The following CCDC171 variants were observed in gnomAD, a reference collection of about 807,000 sequenced individuals.
CCDC171 encodes the protein coiled-coil domain containing 171.
In CCDC171, 177 loss-of-function variants were observed where a neutral mutation model predicts 168.2. The observed-to-expected ratio is 1.05, with a 90% CI of 0.93 to 1.19. The LOEUF (loss-of-function observed/expected upper bound fraction) is 1.19, where lower values mean the gene tolerates loss of function less well. Ranked by LOEUF, CCDC171 falls within the 50% of genes most tolerant of loss-of-function variation. CCDC171 has a pLI of 0.00. For synonymous variants in CCDC171, 687 were observed against 540.8 expected (o/e 1.27, Z -3.75); for missense variants, 1,991 against 1,539.0 (o/e 1.29, Z -4.91).
chr9:15,888,201 G>A (rs966901137), intron 24 of CCDC171: 4 of 152,134 alleles, frequency 2.6e-5, no homozygotes, highest in Admixed American at 1.3e-4. Context: ...TTTTAAAGGA[G>A]TACTACTTAA....
chr9:15,923,859 T>C (rs1479405629), intron 25 of CCDC171, among the ~76,000 whole-genome samples: 4 of 151,392 alleles, frequency 2.6e-5, no homozygotes, highest in African/African-American at 7.3e-5. Context: ...GGCTCAACTT[T>C]TCTGTAATTT....
At chr9:15,630,442 A>G (rs552481068) in intron 7 of CCDC171, among the ~76,000 whole-genome samples, 2 of 152,330 alleles carry the variant, frequency 1.3e-5, no homozygotes, top group South Asian at 2.1e-4. Flanking sequence ...CCATTACATA[A>G]TGGTAAAAGG....
chr9:15,848,682 A>G (rs1325452932), intron 22 of CCDC171, among the ~76,000 whole-genome samples: 2 of 151,802 alleles, frequency 1.3e-5, no homozygotes, highest in East Asian at 1.9e-4. Flanking sequence ...ATGTGGAAAT[A>G]TATCAGTGAA....
chr9:15,762,107 A>G (rs2056476181), intron 18 of CCDC171, among the ~76,000 whole-genome samples: 1 of 150,678 alleles, frequency 6.6e-6, no homozygotes, highest in South Asian at 2.1e-4. Flanking sequence ...GCTTGAACAC[A>G]TTTTGTAGTT....
intron 6 of CCDC171, among the ~76,000 whole-genome samples, chr9:15,609,900 G>T (rs1459383859): frequency 6.6e-6 from 1 of 152,010 alleles, no homozygotes; most frequent in Non-Finnish European, 1.5e-5. Context: ...ATTAAAATTG[G>T]ATTGCATTTA....
At chr9:15,719,419 A>AGG (rs2053314598) in intron 11 of CCDC171, among the ~76,000 whole-genome samples, 1 of 5,648 alleles carries the variant, frequency 1.8e-4, no homozygotes, top group Non-Finnish European at 7.5e-4. Flanking sequence ...CGGGGGAAAG[A>AGG]GAGAGAGAGA....
At chr9:15,840,626 T>C (rs970723648) in intron 21 of CCDC171, among the ~76,000 whole-genome samples, 1 of 152,096 alleles carries the variant, frequency 6.6e-6, no homozygotes, top group Non-Finnish European at 1.5e-5. Flanking sequence ...GCAGCCAAAC[T>C]CAGTTTGCTT....
At chr9:16,042,707 G>A (rs990580670), upstream of CCDC171, 4 of 152,094 alleles carry the variant, frequency 2.6e-5, no homozygotes, top group Non-Finnish European at 5.9e-5. Flanking sequence ...GGGTGAGGGT[G>A]GTGATGGAGT....
chr9:15,750,655 G>C (rs979575000), intron 18 of CCDC171, among the ~76,000 whole-genome samples: 4 of 152,098 alleles, frequency 2.6e-5, no homozygotes, highest in African/African-American at 9.7e-5. Flanking sequence ...ATCCATCACA[G>C]AAACAGAACC....
intron 8 of CCDC171, among the ~76,000 whole-genome samples, chr9:15,663,540 C>T (rs1037838045): frequency 1.3e-5 from 2 of 151,784 alleles, no homozygotes; most frequent in African/African-American, 4.8e-5. Flanking sequence ...CTATTTTCAA[C>T]ATATGTTAGC....
intron 21 of CCDC171, among the ~76,000 whole-genome samples, chr9:15,792,302 T>A (rs1035250775): frequency 1.3e-5 from 2 of 152,204 alleles, no homozygotes; most frequent in African/African-American, 4.8e-5. Flanking sequence ...GAACAAAGCT[T>A]CCAAGAAATA....
chr9:15,574,642 A>G (rs1280594748), intron 3 of CCDC171, among the ~76,000 whole-genome samples: 2 of 152,196 alleles, frequency 1.3e-5, no homozygotes, highest in Admixed American at 6.6e-5. Flanking sequence ...TTTTTTAGCC[A>G]TATAATCTCC....
chr9:16,066,802 T>G, the CCDC171 span, among the ~76,000 whole-genome samples: 6 of 150,206 alleles, frequency 4.0e-5, no homozygotes, highest in Non-Finnish European at 5.9e-5. Flanking sequence ...CATCATTTTT[T>G]ATGGCTGCAT....
chr9:15,937,966 G>A (rs937601928), intron 25 of CCDC171, among the ~76,000 whole-genome samples: 5 of 151,800 alleles, frequency 3.3e-5, no homozygotes, highest in African/African-American at 9.7e-5. Context: ...TAGTATGTAC[G>A]TCTTGAAAGA....
intron 21 of CCDC171, among the ~76,000 whole-genome samples, chr9:15,796,655 G>C (rs1255358545): frequency 6.6e-6 from 1 of 152,100 alleles, no homozygotes; most frequent in East Asian, 1.9e-4. Context: ...GGTTGGGGAG[G>C]GTGTTGGCAG....
intron 21 of CCDC171, among the ~76,000 whole-genome samples, chr9:15,830,040 G>A (rs1388132665): frequency 6.6e-6 from 1 of 152,168 alleles, no homozygotes; most frequent in Non-Finnish European, 1.5e-5. Flanking sequence ...AGCGAAGTTG[G>A]TGTGCCTGTG....
At chr9:15,711,724 G>A (rs558061176) in intron 11 of CCDC171, among the ~76,000 whole-genome samples, 7 of 152,188 alleles carry the variant, frequency 4.6e-5, no homozygotes, top group Admixed American at 6.5e-5. Flanking sequence ...ATTGTAAGTC[G>A]AGGAGCATAT....
At chr9:16,052,433 G>C (rs1441153169) in intron 1 of CCDC171, among the ~76,000 whole-genome samples, 2 of 152,116 alleles carry the variant, frequency 1.3e-5, no homozygotes, top group Non-Finnish European at 2.9e-5. Flanking sequence ...AGATACCCCT[G>C]GGTTACACAT....
intron 7 of CCDC171, among the ~76,000 whole-genome samples, chr9:15,637,728 T>G (rs1299118397): frequency 6.6e-6 from 1 of 151,270 alleles, no homozygotes; most frequent in Non-Finnish European, 1.5e-5. Flanking sequence ...TGTTTGGTTT[T>G]CTGTCCTTGC....
Sources: gnomAD v4.1 joint callset for allele counts (sites outside exome capture counted in the v4.1 genomes callset) on GRCh38, gnomAD v4.1.1 for gene constraint, MANE v1.5 for transcripts, NCBI Gene and HGNC (gene_info 2026-07-23, HGNC 2026-07-21) for gene names.